The following PPFIA2 variants were observed in gnomAD, a reference collection of about 807,000 sequenced individuals.
PPFIA2 encodes PPFI scaffold protein A2, also known as liprin-alpha-2.
Under a neutral mutation model 175.5 loss-of-function variants are expected in PPFIA2, and 46 were observed. The ratio of observed to expected loss-of-function variants is 0.26; its 90% CI spans 0.21 to 0.34. PPFIA2 has a LOEUF of 0.34. Among genes scored for constraint, PPFIA2 ranks in the 10% least tolerant of loss-of-function variants. The pLI is 1.00. For synonymous variants in PPFIA2, 568 were observed against 511.4 expected, an observed-to-expected ratio of 1.11 and a Z score of -1.49; for missense variants, 1,179 against 1,506.1, an observed-to-expected ratio of 0.78 and a Z score of 3.60.
At chr12:81,639,561 T>C (rs925998625) in intron 4 of PPFIA2, among the ~76,000 whole-genome samples, 1 of 151,924 alleles carries the variant, frequency 6.6e-6, no homozygotes, top group Admixed American at 6.6e-5. Flanking sequence ...TATATATATA[T>C]AGTATTCCTA....
chr12:81,462,118 A>G (rs2054637438), intron 4 of PPFIA2, among the ~76,000 whole-genome samples: 1 of 151,490 alleles, frequency 6.6e-6, no homozygotes, highest in Admixed American at 6.6e-5. Context: ...AAATTTTTCT[A>G]AGTGAGATCA....
chr12:81,627,874 T>C (rs2062908351), intron 4 of PPFIA2, among the ~76,000 whole-genome samples: 1 of 152,148 alleles, frequency 6.6e-6, no homozygotes, highest in Non-Finnish European at 1.5e-5. Context: ...ACACATGGTA[T>C]CTTAAAATTG....
intron 7 of PPFIA2, among the ~76,000 whole-genome samples, chr12:81,416,203 G>C (rs565555506): frequency 6.6e-6 from 1 of 151,658 alleles, no homozygotes; most frequent in Admixed American, 6.6e-5. Flanking sequence ...AATTAATCCA[G>C]AGAATGAAAG....
rs547446282 is a variant in PPFIA2, at chr12:81,599,237, C to T, written c.303+77554G>A. On this transcript the variant is annotated intron_variant, in intron 4 of 32. Transcript: ENST00000549396. ...GTCTTTGTGAATGTATCTAAGATGA[C>T]ATAGTCATACATAATAAAAACCACC... 8.6e-5 allele frequency among the ~76,000 whole-genome samples: 13 copies of T among 151,996 alleles called. No individual in the cohort carries two copies. In the East Asian group the frequency reaches 1.9e-3, roughly 23 times the overall value.
rs143250625 is a variant in PPFIA2 at position 81,282,385 on chromosome 12, G to A, written c.3018+625C>T. Among the ~76,000 whole-genome samples, 516 of 152,078 alleles carry A rather than the reference G, an allele frequency of 3.4e-3. 5 individuals carry two copies. The highest frequency in any genetic ancestry group is 0.012 in the African/African-American group (488 of 41,514). Reference sequence around the variant, plus strand: ...TGTGTGTTTAAATACAGGTCCTAATGTAACTACCAAATTTTTTCTTATATT... The same window carrying A: ...TGTGTGTTTAAATACAGGTCCTAATATAACTACCAAATTTTTTCTTATATT... On this transcript the variant is annotated intron_variant, in intron 26 of 32. Transcript: ENST00000549396.
At chr12:81,711,753 C>T (rs2077956448) in intron 3 of PPFIA2, among the ~76,000 whole-genome samples, 1 of 150,206 alleles carries the variant, frequency 6.7e-6, no homozygotes. Context: ...TGTGGTGAAG[C>T]TTCTCTTTTG....
chr12:81,411,402 C>T (rs144142933), intron 7 of PPFIA2, among the ~76,000 whole-genome samples: 1 of 152,144 alleles, frequency 6.6e-6, no homozygotes, highest in East Asian at 1.9e-4. Context: ...CTTATAACAG[C>T]CTGATCCATT....
chr12:81,581,755 A>C (rs12810112), intron 4 of PPFIA2, among the ~76,000 whole-genome samples: 5 of 82,412 alleles, frequency 6.1e-5, no homozygotes, highest in East Asian at 8.6e-4. Flanking sequence ...AACAAACAAA[A>C]ACAACCCTGA....
chr12:81,288,045 T>C (rs1426409803), intron 24 of PPFIA2, among the ~76,000 whole-genome samples: 1 of 151,856 alleles, frequency 6.6e-6, no homozygotes, highest in East Asian at 1.9e-4. Flanking sequence ...GAGTCTAACA[T>C]GAAATTTATA....
chr12:81,343,767 C>A (rs1014761521), intron 19 of PPFIA2, among the ~76,000 whole-genome samples: 5 of 152,024 alleles, frequency 3.3e-5, no homozygotes, highest in African/African-American at 1.2e-4. Context: ...CATATTTATT[C>A]TCTTGATTTC....
chr12:81,749,247 C>G (rs2083437802), intron 3 of PPFIA2, among the ~76,000 whole-genome samples: 1 of 144,148 alleles, frequency 6.9e-6, no homozygotes, highest in African/African-American at 2.4e-5. Context: ...CACATATCAA[C>G]TTCATAGTTC....
chr12:81,357,373 G>A (rs1223750946), intron 16 of PPFIA2, among the ~76,000 whole-genome samples: 2 of 152,074 alleles, frequency 1.3e-5, no homozygotes, highest in Non-Finnish European at 2.9e-5. Flanking sequence ...ATGGACAAAT[G>A]GATTATATAG....
At chr12:81,687,747 G>T (rs543857759) in intron 3 of PPFIA2, among the ~76,000 whole-genome samples, 5 of 151,766 alleles carry the variant, frequency 3.3e-5, no homozygotes, top group South Asian at 2.1e-4. Flanking sequence ...AATTAGAAAG[G>T]TTTGGAATAT....
intron 22 of PPFIA2, among the ~76,000 whole-genome samples, chr12:81,320,304 T>C (rs1268206184): frequency 6.6e-6 from 1 of 152,060 alleles, no homozygotes; most frequent in Non-Finnish European, 1.5e-5. Flanking sequence ...TTAACTTTTA[T>C]GTCTGTGATA....
intron 4 of PPFIA2, among the ~76,000 whole-genome samples, chr12:81,484,083 G>A (rs911520464): frequency 6.6e-6 from 1 of 151,934 alleles, no homozygotes; most frequent in African/African-American, 2.4e-5. Context: ...GGCATTACCT[G>A]GGCGAAGGTC....
chr12:81,574,811 T>A (rs1257643194), intron 4 of PPFIA2, among the ~76,000 whole-genome samples: 4 of 151,878 alleles, frequency 2.6e-5, no homozygotes, highest in African/African-American at 9.7e-5. Context: ...ATGGTTCACC[T>A]TACTCTTACA....
intron 4 of PPFIA2, among the ~76,000 whole-genome samples, chr12:81,624,874 AG>A (rs2062510543): frequency 6.6e-6 from 1 of 151,412 alleles, no homozygotes; most frequent in Admixed American, 6.6e-5. Context: ...CATTAGGTAC[AG>A]TGTACACTAC....
At chr12:81,519,005 AT>A (rs1275878407) in intron 4 of PPFIA2, among the ~76,000 whole-genome samples, 3 of 152,206 alleles carry the variant, frequency 2.0e-5, no homozygotes, top group African/African-American at 7.2e-5. Flanking sequence ...AGAATGAAAA[AT>A]CAATTGTGTA....
intron 21 of PPFIA2, among the ~76,000 whole-genome samples, chr12:81,329,360 T>C (rs2055588359): frequency 6.6e-6 from 1 of 152,182 alleles, no homozygotes. Flanking sequence ...GCAGCCTTCT[T>C]GCCCTCAAAG....
Sources: allele counts gnomAD v4.1 joint callset (sites outside exome capture counted in the v4.1 genomes callset), GRCh38; gene constraint gnomAD v4.1.1; transcripts MANE v1.5; gene names NCBI Gene and HGNC (gene_info 2026-07-23, HGNC 2026-07-21).